Variants in MOSMO observed in about 807,000 individuals in gnomAD.
MOSMO encodes modulator of smoothened protein.
A neutral mutation model predicts 18.4 loss-of-function variants in MOSMO; 5 were observed. The observed-to-expected ratio is 0.27, with a 90% CI of 0.14 to 0.57. MOSMO has a LOEUF of 0.57. MOSMO is among the 20% of genes least tolerant of loss of function. The pLI is 0.92. For synonymous variants in MOSMO, 82 were observed against 82.3 expected, an observed-to-expected ratio of 1.00 and a Z score of 0.02; for missense variants, 138 against 211.8, an observed-to-expected ratio of 0.65 and a Z score of 2.16.
chr16:22,012,642 ACTTT>A (rs1402654361), intron 1 of MOSMO, among the ~76,000 whole-genome samples: 1 of 150,346 alleles, frequency 6.7e-6, no homozygotes, highest in African/African-American at 2.5e-5. Context: ...TTGGCTTTGG[ACTTT>A]CTCTGTCACT....
chr16:22,091,349 G>C (rs1901318419), downstream of MOSMO, among the ~76,000 whole-genome samples: 1 of 152,088 alleles, frequency 6.6e-6, no homozygotes, highest in South Asian at 2.1e-4. Context: ...ACATCTGAAG[G>C]GTGTTCCCTA....
At chr16:22,020,542 G>A (rs1342429279) in intron 1 of MOSMO, among the ~76,000 whole-genome samples, 5 of 151,938 alleles carry the variant, frequency 3.3e-5, no homozygotes, top group East Asian at 2.0e-4. Context: ...TGATCCACCC[G>A]CATCGGCCTC....
chr16:22,067,230 A>G (rs1057372528), intron 1 of MOSMO, among the ~76,000 whole-genome samples: 1 of 152,214 alleles, frequency 6.6e-6, no homozygotes. Context: ...GAAATGTGGG[A>G]CATTATCAGG....
chr16:22,019,894 A>C (rs1323535678), intron 1 of MOSMO, among the ~76,000 whole-genome samples: 1 of 152,150 alleles, frequency 6.6e-6, no homozygotes, highest in South Asian at 2.1e-4. Flanking sequence ...ATATCCATAG[A>C]ATTCAGGCTT....
intron 1 of MOSMO, among the ~76,000 whole-genome samples, chr16:22,062,828 C>T (rs1387677818): frequency 6.6e-6 from 1 of 152,074 alleles, no homozygotes; most frequent in African/African-American, 2.4e-5. Context: ...CAAAATCTCA[C>T]AGCCAGTAAG....
chr16:22,073,173 T>G (rs1256968540), intron 1 of MOSMO, among the ~76,000 whole-genome samples: 1 of 152,078 alleles, frequency 6.6e-6, no homozygotes, highest in Non-Finnish European at 1.5e-5. Flanking sequence ...ACTCAAATAT[T>G]TAGAAGGAAA....
At chr16:22,047,315 G>C (rs1900331465) in intron 1 of MOSMO, among the ~76,000 whole-genome samples, 1 of 148,240 alleles carries the variant, frequency 6.7e-6, no homozygotes. Context: ...CACAATCTCG[G>C]CTCACTGCAA....
chr16:22,054,808 T>C (rs955202404), intron 1 of MOSMO, among the ~76,000 whole-genome samples: 7 of 152,208 alleles, frequency 4.6e-5, no homozygotes, highest in African/African-American at 1.7e-4. Context: ...ATTGGACACC[T>C]TTCTTTTTCC....
downstream of MOSMO, chr16:22,087,080 C>A (rs570927269): frequency 9.9e-5 from 15 of 152,274 alleles, no homozygotes; most frequent in African/African-American, 2.9e-4. Context: ...ACTCCAGATC[C>A]TTTACTACTG....
Position 22,008,328 on chromosome 16 carries a change from A to C in MOSMO, c.27A>C (p.Gly9=). The C allele has an allele frequency of 6.5e-7, 1 of 1,532,698 alleles. No homozygotes were observed. The allele number at this position is 1,532,698 out of a possible 1,614,324, so 94.9% of individuals were successfully genotyped here. ...TGGATAAACTGACCATCATCTCAGG[A>C]TGTCTCTTTCTGGCCGCCGATATCT... MDKLTIIS[G]CLFLAADIFA... The change falls in exon 1 of 3, where the codon GGA becomes GGC. Residue 9 remains glycine, a synonymous_variant. Coordinates refer to ENST00000542527, the MANE Select transcript of MOSMO (RefSeq NM_001164579.2).
At chr16:22,055,645 T>G (rs1287513947) in intron 1 of MOSMO, among the ~76,000 whole-genome samples, 1 of 152,196 alleles carries the variant, frequency 6.6e-6, no homozygotes, top group Non-Finnish European at 1.5e-5. Flanking sequence ...GGTAAAGACT[T>G]CATTACTAGC....
chr16:22,047,370 G>A (rs1900333257), intron 1 of MOSMO, among the ~76,000 whole-genome samples: 2 of 151,356 alleles, frequency 1.3e-5, no homozygotes, highest in East Asian at 2.0e-4. Context: ...TCAGCCTCCG[G>A]AGTAGCTGGG....
intron 1 of MOSMO, among the ~76,000 whole-genome samples, chr16:22,058,225 G>A (rs1900573318): frequency 6.6e-6 from 1 of 152,004 alleles, no homozygotes. Flanking sequence ...CAGGCGTTTA[G>A]GACCAGCCTA....
chr16:22,041,680 AT>A (rs926975985), intron 1 of MOSMO, among the ~76,000 whole-genome samples: 93 of 147,416 alleles, frequency 6.3e-4, no homozygotes, highest in South Asian at 2.4e-3. Flanking sequence ...TTTAACTTTA[AT>A]TTTTTTTTTT....
At chr16:22,090,958 A>G (rs1314126644), downstream of MOSMO, among the ~76,000 whole-genome samples, 1 of 152,186 alleles carries the variant, frequency 6.6e-6, no homozygotes, top group Non-Finnish European at 1.5e-5. Context: ...TTCTATGCAC[A>G]GTGTTGAAAA....
At chr16:22,058,757 A>G (rs570550548) in intron 1 of MOSMO, among the ~76,000 whole-genome samples, 9 of 152,334 alleles carry the variant, frequency 5.9e-5, no homozygotes, top group African/African-American at 1.7e-4. Flanking sequence ...TGAGATGCCT[A>G]TGAGGCATCC....
At chr16:22,025,971 T>G (rs1899867513) in intron 1 of MOSMO, among the ~76,000 whole-genome samples, 1 of 152,126 alleles carries the variant, frequency 6.6e-6, no homozygotes, top group African/African-American at 2.4e-5. Flanking sequence ...TGAACCCCCT[T>G]TTTTCAATAA....
chr16:22,080,492 A>G (rs1901057445), intron 2 of MOSMO, among the ~76,000 whole-genome samples: 1 of 152,240 alleles, frequency 6.6e-6, no homozygotes, highest in African/African-American at 2.4e-5. Context: ...TAAAACTTAC[A>G]TAAAAGCCTA....
rs904808098 is a variant in MOSMO, at chr16:22,045,021, C to A, written c.107-30466C>A. Reference sequence around the variant, plus strand: ...CAAAACTCCATCTCTACAAAAAATACAAAAAAAAAAAAAATTAGCCAGGTA... The same window carrying A: ...CAAAACTCCATCTCTACAAAAAATAAAAAAAAAAAAAAAATTAGCCAGGTA... On this transcript the variant is annotated intron_variant, in intron 1 of 2. Coordinates refer to ENST00000542527, the MANE Select transcript of MOSMO (RefSeq NM_001164579.2). Among the ~76,000 whole-genome samples, 300 of 132,794 alleles carry A rather than the reference C, an allele frequency of 2.3e-3. 3 individuals are homozygous for A. Among genetic ancestry groups the A allele is most frequent in the South Asian group, 3.3e-3 (14 of 4,214 alleles). 87.1% of individuals were successfully genotyped at this position (132,794 alleles called of 152,430 possible).
Sources: allele counts gnomAD v4.1 joint callset (sites outside exome capture counted in the v4.1 genomes callset), GRCh38; gene constraint gnomAD v4.1.1; transcripts MANE v1.5; gene names NCBI Gene and HGNC (gene_info 2026-07-23, HGNC 2026-07-21).